The following AUTS2 variants were observed in gnomAD, a reference collection of about 807,000 sequenced individuals.
AUTS2 encodes autism susceptibility gene 2 protein.
A neutral mutation model predicts 112.4 loss-of-function variants in AUTS2; 17 were observed. The observed-to-expected ratio is 0.15, with a 90% CI of 0.10 to 0.23. AUTS2 has a LOEUF of 0.23. Among genes scored for constraint, AUTS2 ranks in the 10% least tolerant of loss-of-function variants. The pLI, the probability that AUTS2 is intolerant of heterozygous loss-of-function variation, is 1.00. For missense variants in AUTS2, 1,510 were observed against 1,701.6 expected (o/e 0.89, Z 1.98); for synonymous variants, 751 against 702.7 (o/e 1.07, Z -1.09).
At chr7:70,416,564 T>C (rs1385806442) in intron 4 of AUTS2, among the ~76,000 whole-genome samples, 1 of 152,244 alleles carries the variant, frequency 6.6e-6, no homozygotes, top group Non-Finnish European at 1.5e-5. Context: ...TGGATTTTCC[T>C]GCCTCTTGGA....
chr7:70,551,915 A>C (rs4718959), intron 5 of AUTS2, among the ~76,000 whole-genome samples: 115,428 of 152,180 alleles, frequency 0.76, 44,260 homozygotes, highest in Non-Finnish European at 0.79. Context: ...ATTTTGATAA[A>C]CTTGAAGGGT....
At chr7:70,655,532 G>A (rs1806724941) in intron 5 of AUTS2, among the ~76,000 whole-genome samples, 1 of 152,166 alleles carries the variant, frequency 6.6e-6, no homozygotes, top group African/African-American at 2.4e-5. Context: ...GTGGCACCGT[G>A]CTTTACGGTA....
intron 4 of AUTS2, among the ~76,000 whole-genome samples, chr7:70,320,151 C>T (rs192472781): frequency 6.6e-6 from 1 of 152,246 alleles, no homozygotes; most frequent in East Asian, 1.9e-4. Flanking sequence ...TAGTTAGAAA[C>T]CCTGTCCTAT....
At chr7:70,141,143 A>G (rs908344332) in intron 4 of AUTS2, among the ~76,000 whole-genome samples, 1 of 152,162 alleles carries the variant, frequency 6.6e-6, no homozygotes, top group African/African-American at 2.4e-5. Flanking sequence ...AGGCAGGGGG[A>G]GCAACAAAGA....
intron 1 of AUTS2, among the ~76,000 whole-genome samples, chr7:69,766,827 C>G (rs1223884953): frequency 6.6e-6 from 1 of 152,230 alleles, no homozygotes; most frequent in East Asian, 1.9e-4. Flanking sequence ...ATGCTTCTCA[C>G]TTTAGGTTAT....
chr7:70,109,373 A>G (rs1208636214), intron 2 of AUTS2, among the ~76,000 whole-genome samples: 1 of 152,200 alleles, frequency 6.6e-6, no homozygotes, highest in Non-Finnish European at 1.5e-5. Flanking sequence ...TTCTGAGCCT[A>G]TTTGAAAACA....
chr7:69,843,884 A>G (rs546464432), intron 1 of AUTS2, among the ~76,000 whole-genome samples: 15 of 152,326 alleles, frequency 9.8e-5, no homozygotes, highest in African/African-American at 3.4e-4. Flanking sequence ...GTGAAACTAG[A>G]TATTTCAGCT....
At chr7:70,637,657 C>T (rs1335229447) in intron 5 of AUTS2, among the ~76,000 whole-genome samples, 1 of 152,128 alleles carries the variant, frequency 6.6e-6, no homozygotes, top group Admixed American at 6.5e-5. Context: ...GTTGTTCTTC[C>T]CACATTAGAG....
chr7:70,052,092 T>G (rs1801780088), intron 2 of AUTS2, among the ~76,000 whole-genome samples: 1 of 152,196 alleles, frequency 6.6e-6, no homozygotes, highest in African/African-American at 2.4e-5. Context: ...AGATACAGGT[T>G]AAATGATGAG....
In AUTS2 at chr7:70,548,928, C is replaced by A. The variant is rs72506793; in HGVS notation, c.690+113147C>A. Among the ~76,000 whole-genome samples the A allele has an allele frequency of 2.8e-3, 409 of 143,628 alleles. 18 individuals carry two copies. In the East Asian group the frequency reaches 0.077, roughly 27 times the overall value. The allele number at this position is 143,628 out of a possible 152,430, so 94.2% of individuals were successfully genotyped here. ...AGGATCATCTTGTCAATTTCTACCC[C>A]CCCCCCAAAAAAAAAAAAGTCTGCT... On this transcript the variant is annotated intron_variant, in intron 5 of 18. Transcript: ENST00000342771.
At chr7:70,395,878 T>C (rs1794059233) in intron 4 of AUTS2, among the ~76,000 whole-genome samples, 1 of 152,204 alleles carries the variant, frequency 6.6e-6, no homozygotes, top group South Asian at 2.1e-4. Flanking sequence ...AATTCCAAGA[T>C]ATGTTTTAGC....
intron 4 of AUTS2, among the ~76,000 whole-genome samples, chr7:70,270,210 T>G (rs1363101501): frequency 1.3e-5 from 2 of 152,228 alleles, no homozygotes; most frequent in Non-Finnish European, 2.9e-5. Flanking sequence ...TTATCTATTG[T>G]GTTATGTTTA....
intron 4 of AUTS2, among the ~76,000 whole-genome samples, chr7:70,369,437 C>T (rs1792737428): frequency 6.6e-6 from 1 of 152,100 alleles, no homozygotes; most frequent in African/African-American, 2.4e-5. Context: ...GGAAGAGTTT[C>T]ATGGAACAGA....
intron 2 of AUTS2, among the ~76,000 whole-genome samples, chr7:70,034,041 TATGTAC>T: frequency 6.6e-6 from 1 of 152,314 alleles, no homozygotes; most frequent in Middle Eastern, 3.4e-3. Context: ...CATTATACAT[TATGTAC>T]ATGTATCAGA....
In AUTS2 at chr7:70,784,944, G is replaced by A. The variant is rs747807553; in HGVS notation, c.2149G>A (p.Ala717Thr). The A allele has an allele frequency of 4.3e-6, 7 of 1,613,956 alleles. No individual in the cohort carries two copies. In the Admixed American group the frequency reaches 1.2e-4, roughly 27 times the overall value. ...RPSTLFSAAGAAHPTGTPFGP... is the reference protein window; with the variant it reads ...RPSTLFSAAGTAHPTGTPFGP... ...TTTCGTTATGTTTGACTTAACAGGT[G>A]CTGCACACCCAACTGGGACCCCTTT... The change falls in exon 16 of 19, where the codon GCT becomes ACT. Residue 717 changes from alanine to threonine, a missense_variant and splice_region_variant. Physicochemically the swap from Ala to Thr is moderately conservative, Grantham distance 58 (BLOSUM62 0). Coordinates refer to ENST00000342771, the MANE Select transcript of AUTS2 (RefSeq NM_015570.4).
chr7:70,299,452 C>T (rs1789100498), intron 4 of AUTS2, among the ~76,000 whole-genome samples: 1 of 152,226 alleles, frequency 6.6e-6, no homozygotes, highest in African/African-American at 2.4e-5. Context: ...TCTCATTTCT[C>T]TCTATTCCCC....
intron 5 of AUTS2, among the ~76,000 whole-genome samples, chr7:70,543,727 G>T (rs148906430): frequency 6.8e-4 from 104 of 152,232 alleles, no homozygotes; most frequent in African/African-American, 2.2e-3. Context: ...CTCCTGTTGA[G>T]GGGTGTTTAT....
At chr7:69,845,454 T>C (rs1227723910) in intron 1 of AUTS2, among the ~76,000 whole-genome samples, 1 of 152,170 alleles carries the variant, frequency 6.6e-6, no homozygotes, top group Non-Finnish European at 1.5e-5. Context: ...CTATTTTTAT[T>C]AGCTAAGAAG....
chr7:70,615,818 T>C (rs1279274055), intron 5 of AUTS2, among the ~76,000 whole-genome samples: 2 of 152,128 alleles, frequency 1.3e-5, no homozygotes, highest in African/African-American at 4.8e-5. Flanking sequence ...CGATCTTGGC[T>C]CACTGCAACC....
Sources: allele counts gnomAD v4.1 joint callset (sites outside exome capture counted in the v4.1 genomes callset), GRCh38; gene constraint gnomAD v4.1.1; transcripts MANE v1.5; gene names NCBI Gene and HGNC (gene_info 2026-07-23, HGNC 2026-07-21).